The following ZFPM2 variants were observed in gnomAD, a reference collection of about 807,000 sequenced individuals.
ZFPM2 encodes zinc finger protein, FOG family member 2, also known as zinc finger protein ZFPM2.
In ZFPM2, 20 loss-of-function variants were observed where a neutral mutation model predicts 98.6. The ratio of observed to expected loss-of-function variants is 0.20; its 90% CI spans 0.14 to 0.29. ZFPM2 has a LOEUF of 0.29. Among genes scored for constraint, ZFPM2 ranks in the 10% least tolerant of loss-of-function variants. The pLI is 1.00. For synonymous variants in ZFPM2, 518 were observed against 502.7 expected, an observed-to-expected ratio of 1.03 and a Z score of -0.41; for missense variants, 1,310 against 1,388.6, an observed-to-expected ratio of 0.94 and a Z score of 0.90.
At chr8:105,716,362 C>T (rs529800018) in intron 5 of ZFPM2, among the ~76,000 whole-genome samples, 2 of 151,664 alleles carry the variant, frequency 1.3e-5, no homozygotes, top group African/African-American at 4.8e-5. Context: ...TGAATGTCTA[C>T]TAAACTTGTT....
chr8:105,365,408 T>G (rs920342941), intron 1 of ZFPM2, among the ~76,000 whole-genome samples: 11 of 152,110 alleles, frequency 7.2e-5, no homozygotes, highest in African/African-American at 2.4e-4. Flanking sequence ...TGTCTTGGGG[T>G]AGCAAACTTA....
At chr8:105,511,439 T>G (rs1285621829) in intron 3 of ZFPM2, among the ~76,000 whole-genome samples, 1 of 152,212 alleles carries the variant, frequency 6.6e-6, no homozygotes, top group African/African-American at 2.4e-5. Flanking sequence ...GGGTGTGCAT[T>G]TCTCAGCTCT....
At position 105,801,395 on chromosome 8, in the gene ZFPM2, T is replaced by C; in HGVS notation, c.1313T>C (p.Leu438Pro). The C allele has an allele frequency of 6.2e-7, 1 of 1,613,846 alleles. No homozygotes were observed. The highest frequency in any genetic ancestry group is 1.7e-5 in the Admixed American group (1 of 59,990). ...QTKDASSDTE[L>P]DKCEKKTQLF... ...AAAGATGCGAGCTCTGACACAGAGC[T>C]GGACAAGTGTGAGAAAAAGACTCAG... The change falls in exon 8 of 8, where the codon CTG becomes CCG. Residue 438 changes from leucine (L) to proline (P), a missense_variant. Physicochemically the swap from Leu to Pro is moderately conservative, Grantham distance 98. Transcript: ENST00000407775.
At chr8:105,780,152 G>C (rs778862375) in intron 5 of ZFPM2, 1 of 152,172 alleles carries the variant, frequency 6.6e-6, no homozygotes, top group Non-Finnish European at 1.5e-5. Flanking sequence ...GGTATTGTGA[G>C]TATGAAGACT....
intron 2 of ZFPM2, among the ~76,000 whole-genome samples, chr8:105,428,317 A>AT (rs1811954349): frequency 2.0e-5 from 3 of 152,214 alleles, no homozygotes; most frequent in Non-Finnish European, 4.4e-5. Context: ...TAAATGAATT[A>AT]GGGATGTTCT....
chr8:105,764,955 A>C (rs1812824348), intron 5 of ZFPM2, among the ~76,000 whole-genome samples: 1 of 151,834 alleles, frequency 6.6e-6, no homozygotes, highest in African/African-American at 2.4e-5. Context: ...TCTAGCTTTC[A>C]GAATTCATAA....
intron 6 of ZFPM2, among the ~76,000 whole-genome samples, chr8:105,791,571 C>T (rs959767876): frequency 1.6e-4 from 24 of 152,122 alleles, no homozygotes; most frequent in African/African-American, 5.6e-4. Context: ...TGTATCTCTG[C>T]CCGGCTTTGG....
intron 5 of ZFPM2, chr8:105,780,698 A>G (rs1006345604): frequency 7.2e-5 from 11 of 152,396 alleles, no homozygotes; most frequent in African/African-American, 2.4e-4. Context: ...CCTGGCCAAC[A>G]TGGTGAAACC....
intron 5 of ZFPM2, among the ~76,000 whole-genome samples, chr8:105,763,123 C>A (rs1812772160): frequency 6.8e-6 from 1 of 147,206 alleles, no homozygotes; most frequent in South Asian, 2.1e-4. Flanking sequence ...TGTGATCTGA[C>A]AAACAAAACA....
At chr8:105,536,952 T>A (rs1007742207) in intron 3 of ZFPM2, among the ~76,000 whole-genome samples, 16 of 152,170 alleles carry the variant, frequency 1.1e-4, no homozygotes, top group Non-Finnish European at 1.9e-4. Flanking sequence ...TTTCCTAGGA[T>A]AAAACAGTAG....
chr8:105,565,508 G>C (rs915687247), intron 4 of ZFPM2, among the ~76,000 whole-genome samples: 2 of 152,064 alleles, frequency 1.3e-5, no homozygotes, highest in Non-Finnish European at 2.9e-5. Flanking sequence ...TATCTCCTTT[G>C]TTGCAGAGGC....
At chr8:105,450,609 G>A (rs922605358) in intron 3 of ZFPM2, among the ~76,000 whole-genome samples, 8 of 151,990 alleles carry the variant, frequency 5.3e-5, no homozygotes, top group South Asian at 2.1e-4. Context: ...GACTCTTGCC[G>A]GATGAAGATA....
At chr8:105,581,051 C>T (rs1815584912) in intron 4 of ZFPM2, among the ~76,000 whole-genome samples, 1 of 151,902 alleles carries the variant, frequency 6.6e-6, no homozygotes. Flanking sequence ...TCACTAATAT[C>T]TTCTTCATGG....
At chr8:105,704,631 G>A (rs1270907257) in intron 5 of ZFPM2, among the ~76,000 whole-genome samples, 6 of 152,162 alleles carry the variant, frequency 3.9e-5, no homozygotes, top group African/African-American at 1.4e-4. Flanking sequence ...CGGGTGTGTT[G>A]CATTTAATTA....
intron 1 of ZFPM2, among the ~76,000 whole-genome samples, chr8:105,380,849 TA>T (rs1331089915): frequency 7.4e-5 from 5 of 67,762 alleles, no homozygotes; most frequent in South Asian, 3.2e-4. Flanking sequence ...ATATATATTA[TA>T]ATATATATAA....
At chr8:105,385,669 A>G (rs1195792194) in intron 1 of ZFPM2, among the ~76,000 whole-genome samples, 1 of 152,212 alleles carries the variant, frequency 6.6e-6, no homozygotes, top group Non-Finnish European at 1.5e-5. Flanking sequence ...CTTTGCTTCC[A>G]AACTACATCA....
intron 3 of ZFPM2, among the ~76,000 whole-genome samples, chr8:105,504,975 T>C (rs186921123): frequency 6.6e-6 from 1 of 152,186 alleles, no homozygotes; most frequent in Non-Finnish European, 1.5e-5. Context: ...CCAGTTTTTT[T>C]CTGAAACAAA....
intron 4 of ZFPM2, among the ~76,000 whole-genome samples, chr8:105,625,823 T>C (rs910195802): frequency 6.6e-6 from 1 of 151,974 alleles, no homozygotes; most frequent in African/African-American, 2.4e-5. Context: ...CCTCAGGCGA[T>C]CCACCAACCT....
At chr8:105,441,414 CA>C (rs879934067) in intron 2 of ZFPM2, among the ~76,000 whole-genome samples, 1 of 62,654 alleles carries the variant, frequency 1.6e-5, no homozygotes, top group Admixed American at 1.7e-4. Context: ...TCTGTCTCAA[CA>C]AAAAAAAAGA....
Sources: gnomAD v4.1 joint callset for allele counts (sites outside exome capture counted in the v4.1 genomes callset) on GRCh38, gnomAD v4.1.1 for gene constraint, MANE v1.5 for transcripts, NCBI Gene and HGNC (gene_info 2026-07-23, HGNC 2026-07-21) for gene names.